Variants in FBXO24 observed in about 807,000 individuals in gnomAD.
FBXO24 encodes F-box protein 24.
A neutral mutation model predicts 63.5 loss-of-function variants in FBXO24; 30 were observed. That is an observed-to-expected ratio of 0.47 (90% CI 0.35 to 0.64). The LOEUF is 0.64. Among genes scored for constraint, FBXO24 ranks in the 30% least tolerant of loss-of-function variants. The probability of loss-of-function intolerance (pLI) is 0.00; values close to 1 mark genes in which losing one functional copy is unlikely to be tolerated. For missense variants in FBXO24, 624 were observed against 763.4 expected (o/e 0.82, Z 2.15); for synonymous variants, 300 against 305.0 (o/e 0.98, Z 0.17).
chr7:100,591,554 TG>T, intron 3 of FBXO24, 112 bp from the exon 4 acceptor site: 1 of 887,516 alleles, frequency 1.1e-6, no homozygotes, highest in Non-Finnish European at 1.8e-6. Context: ...TCCCCTGTCC[TG>T]GGGATGGGGA....
intron 8 of FBXO24, chr7:100,599,773 G>C (rs574292419): frequency 2.1e-6 from 1 of 477,494 alleles, no homozygotes. Context: ...CACCACAGCA[G>C]GCCCTGGGCT....
At chr7:100,595,345 G>A in intron 7 of FBXO24, 122 bp downstream of exon 7, 2 of 1,530,364 alleles carry the variant, frequency 1.3e-6, no homozygotes, top group Non-Finnish European at 1.8e-6. Flanking sequence ...GGAGAGGTAT[G>A]CCAAAAGAGA....
At chr7:100,595,746 C>A (rs376137402) in intron 8 of FBXO24, 40 bp downstream of exon 8, 573 of 1,534,644 alleles carry the variant, frequency 3.7e-4, no homozygotes, top group Non-Finnish European at 4.8e-4. Flanking sequence ...CAACCCCTTT[C>A]CTCCAATTCC....
intron 8 of FBXO24, among the ~76,000 whole-genome samples, chr7:100,597,294 G>A (rs1802358309): frequency 6.6e-6 from 1 of 152,126 alleles, no homozygotes; most frequent in Admixed American, 6.5e-5. Flanking sequence ...GTGTGACAAT[G>A]TAAGATACAT....
intron 8 of FBXO24, among the ~76,000 whole-genome samples, chr7:100,597,777 C>T (rs1485061921): frequency 6.6e-6 from 1 of 152,044 alleles, no homozygotes; most frequent in Non-Finnish European, 1.5e-5. Flanking sequence ...TCGTAGCTTG[C>T]TGCAGCTTTC....
chr7:100,595,855 C>G, intron 8 of FBXO24, 149 bp downstream of exon 8: 2 of 1,109,968 alleles, frequency 1.8e-6, no homozygotes, highest in South Asian at 3.4e-5. Flanking sequence ...AGTGGTACTA[C>G]CCCATGTCTT....
chr7:100,590,015 G>C lies in FBXO24; in HGVS notation c.78G>C (p.Gly26=), dbSNP rs115302684. The change falls in exon 2 of 10, where the codon GGG becomes GGC. Residue 26 remains glycine, a synonymous_variant. Transcript: ENST00000241071. ...RSCPSCGSEL[G]VEEKRGKGNP... Reference sequence around the variant, plus strand: ...GCCCTTCTTGTGGCTCGGAGCTTGGGGTTGAAGAGAAGAGGGGGAAAGGAA... The same window carrying C: ...GCCCTTCTTGTGGCTCGGAGCTTGGCGTTGAAGAGAAGAGGGGGAAAGGAA... The C allele has an allele frequency of 1.2e-6, 2 of 1,613,748 alleles. No homozygotes were observed. The highest frequency in any genetic ancestry group is 1.7e-5 in the Admixed American group (1 of 59,964).
At position 100,590,214 on chromosome 7, in the gene FBXO24, TTGCCCTC is replaced by T. The variant is rs1801943881; in HGVS notation, c.180_186del (p.Leu62ArgfsTer43). ...TCATTCCTCCCAGTCAGAGACCTTGTTGCCCTCGGCCAGACCTGCCGCTACTTCCACG... is the reference window on the plus strand; with the variant it reads ...TCATTCCTCCCAGTCAGAGACCTTGTGGCCAGACCTGCCGCTACTTCCACG... On this transcript the variant is annotated frameshift_variant, in exon 3 of 10. Coordinates refer to ENST00000241071, the MANE Select transcript of FBXO24 (RefSeq NM_033506.3). LOFTEE classifies it high-confidence loss of function. 6.2e-7 allele frequency: 1 copy of T among 1,614,000 alleles called. No individual in the cohort carries two copies. Among genetic ancestry groups the T allele is most frequent in the Non-Finnish European group, 8.5e-7 (1 of 1,179,996 alleles).
chr7:100,587,402 A>G (rs576897148), intron 1 of FBXO24, among the ~76,000 whole-genome samples: 1 of 151,946 alleles, frequency 6.6e-6, no homozygotes, highest in South Asian at 2.1e-4. Flanking sequence ...GTCCGGGTTC[A>G]AGCAATTCTC....
intron 6 of FBXO24, 98 bp from the exon 7 acceptor site, chr7:100,595,004 G>T: frequency 6.5e-7 from 1 of 1,527,634 alleles, no homozygotes; most frequent in South Asian, 1.2e-5. Flanking sequence ...TAGTGGGTAT[G>T]AGACTCCTTG....
Position 100,590,771 on chromosome 7 carries a change from G to A in FBXO24, c.322+414G>A, listed in dbSNP as rs1801977277. On this transcript the variant is annotated intron_variant, in intron 3 of 9. Coordinates refer to ENST00000241071, the MANE Select transcript of FBXO24 (RefSeq NM_033506.3). The stretch of plus-strand genomic sequence containing the variant: ...CAACCCTGGCCTCCACCCACCAGAT[G>A]GCCAGCAGCATCCCCCTTAATTGTG... Among the ~76,000 whole-genome samples the A allele has an allele frequency of 2.6e-5, 4 of 152,288 alleles. No individual in the cohort carries two copies. In the South Asian group the frequency reaches 8.3e-4, roughly 32 times the overall value.
rs1562824336 is a variant in FBXO24 at position 100,600,800 on chromosome 7, G to C, written c.1644G>C (p.Leu548=). Residue 548 remains leucine, a synonymous_variant, in exon 10 of 10, where the codon CTG becomes CTC. Coordinates refer to ENST00000241071, the MANE Select transcript of FBXO24 (RefSeq NM_033506.3). This position sits in a 1 kb window ranked among gnomAD's most constrained non-coding sequence, Gnocchi z 6.3. The part of the protein sequence containing the change: ...KMKEIVGWMP[L]MAAQKDFFWE... ...AGGAGATCGTAGGGTGGATGCCCCT[G>C]ATGGCCGCACAGAAGGACTTCTTCT... 1 of 1,614,112 alleles carries C rather than the reference G, an allele frequency of 6.2e-7. No homozygotes were observed. The highest frequency in any genetic ancestry group is 8.5e-7 in the Non-Finnish European group (1 of 1,179,970).
rs769076581 is a variant in FBXO24, at chr7:100,600,553, C to A, written c.1397C>A (p.Ala466Asp). ...TCCAAGGTCCCTCTGTGTGCCTGTG[C>A]CCTCTGTGCCACCAGGGAGTGCCTA... is the stretch of plus-strand genomic sequence containing the variant. ...LQVKVPLCACALCATRECLYI... is the reference protein window; with the variant it reads ...LQVKVPLCACDLCATRECLYI... Residue 466 changes from alanine to aspartate, a missense_variant, in exon 10 of 10, where the codon GCC becomes GAC. This residue lies in a region of FBXO24 where 216 missense variants were observed against 245.2 expected (regional missense o/e 0.88). Transcript: ENST00000241071. The surrounding 1 kb of genome is among the most constrained non-coding windows in gnomAD (Gnocchi z 6.3). The A allele has an allele frequency of 6.4e-7, 1 of 1,571,086 alleles. No individual in the cohort carries two copies. The highest frequency in any genetic ancestry group is 1.8e-5 in the Admixed American group (1 of 56,122).
chr7:100,589,665 C>A (rs878995394), intron 1 of FBXO24: 1 of 1,505,982 alleles, frequency 6.6e-7, no homozygotes, highest in Non-Finnish European at 8.9e-7. Flanking sequence ...CCAGCAGGAA[C>A]GGGGGGGCCA....
At chr7:100,596,297 T>A (rs1802306206) in intron 8 of FBXO24, among the ~76,000 whole-genome samples, 1 of 151,892 alleles carries the variant, frequency 6.6e-6, no homozygotes, top group South Asian at 2.1e-4. Context: ...AGAAAAAAGA[T>A]GTGAGCAGGG....
rs2272575 is a variant in FBXO24, at chr7:100,600,248, A to G, written c.1377+47A>G. ...TGGGCACCCAGGGAGGATGAGAGCC[A>G]TGAACCAGGAAGCCCACAGGCTGTA... On this transcript the variant is annotated intron_variant, in intron 9 of 9. Transcript: ENST00000241071. This position sits in a 1 kb window ranked among gnomAD's most constrained non-coding sequence, Gnocchi z 6.3. 0.054 allele frequency: 78,987 copies of G among 1,469,398 alleles called. 2,969 individuals carry two copies. Among genetic ancestry groups the G allele is most frequent in the African/African-American group, 0.16 (11,601 of 70,504 alleles). 91.0% of individuals were successfully genotyped at this position (1,469,398 alleles called of 1,614,324 possible).
chr7:100,589,003 T>G (rs1029478960), intron 1 of FBXO24, among the ~76,000 whole-genome samples: 3 of 151,998 alleles, frequency 2.0e-5, no homozygotes, highest in Non-Finnish European at 4.4e-5. Flanking sequence ...TTAAGTTTTT[T>G]TTTTTTTTTA....
Position 100,599,567 on chromosome 7 carries a change from C to CAA in FBXO24, c.1207-451_1207-450dup, listed in dbSNP as rs559340460. 83 of 104,078 alleles carry CAA rather than the reference C, an allele frequency of 8.0e-4. 1 individual carries two copies. The highest frequency in any genetic ancestry group is 2.5e-3 in the African/African-American group (66 of 26,250). The allele number at this position is 104,078 out of a possible 1,614,324, so 6.4% of individuals were successfully genotyped here. A position where few individuals can be genotyped will look rare whatever the true frequency, so the allele number is the denominator to read the frequency against. On this transcript the variant is annotated intron_variant, in intron 8 of 9. Coordinates refer to ENST00000241071, the MANE Select transcript of FBXO24 (RefSeq NM_033506.3). ...TCCAGCCTTCCGACTCTGTCTCAAA[C>CAA]AAAAAAAAAAAAAAGAAAGAAAGAA...
chr7:100,597,884 G>T (rs371271232), intron 8 of FBXO24, among the ~76,000 whole-genome samples: 477 of 136,310 alleles, frequency 3.5e-3, no homozygotes, highest in African/African-American at 9.8e-3. Context: ...TGTTTTTTTT[G>T]TTTTTTTTGT....
Sources: allele counts gnomAD v4.1 joint callset (sites outside exome capture counted in the v4.1 genomes callset), GRCh38; gene constraint gnomAD v4.1.1; regional missense constraint gnomAD v4.1.1; non-coding constraint Gnocchi (gnomAD v3.1); transcripts MANE v1.5; gene names NCBI Gene and HGNC (gene_info 2026-07-23, HGNC 2026-07-21).